Variants in SLC8A1 observed in about 807,000 individuals in gnomAD.
SLC8A1 encodes solute carrier family 8 member A1.
Under a neutral mutation model 68.3 loss-of-function variants are expected in SLC8A1, and 18 were observed. The observed-to-expected ratio is 0.26, with a 90% CI of 0.18 to 0.39. The LOEUF (loss-of-function observed/expected upper bound fraction) is 0.39, where lower values mean the gene tolerates loss of function less well. Among genes scored for constraint, SLC8A1 ranks in the 10% least tolerant of loss-of-function variants. The pLI is 1.00. For missense variants in SLC8A1, 985 were observed against 1,156.7 expected, an observed-to-expected ratio of 0.85 and a Z score of 2.15; for synonymous variants, 475 against 415.5, an observed-to-expected ratio of 1.14 and a Z score of -1.74.
intron 2 of SLC8A1, among the ~76,000 whole-genome samples, chr2:40,422,283 A>G (rs767951421): frequency 7.2e-5 from 11 of 152,182 alleles, no homozygotes; most frequent in Non-Finnish European, 1.5e-4. Context: ...TAAATCTCCA[A>G]TGGTCAGATT....
At chr2:40,348,379 G>T (rs1460845888) in intron 2 of SLC8A1, among the ~76,000 whole-genome samples, 1 of 152,154 alleles carries the variant, frequency 6.6e-6, no homozygotes, top group Admixed American at 6.6e-5. Flanking sequence ...ACTCCAAAAA[G>T]AGAAGATCAG....
intron 2 of SLC8A1, among the ~76,000 whole-genome samples, chr2:40,186,151 T>C (rs2050660110): frequency 6.6e-6 from 1 of 152,222 alleles, no homozygotes; most frequent in African/African-American, 2.4e-5. Flanking sequence ...AAGCAGCTTT[T>C]CTTGCATTGT....
chr2:40,472,954 CA>C (rs1447132440), intron 1 of SLC8A1, among the ~76,000 whole-genome samples: 2 of 151,216 alleles, frequency 1.3e-5, no homozygotes, highest in African/African-American at 2.4e-5. Flanking sequence ...AGTTACAATA[CA>C]GCATAATACA....
At chr2:40,297,584 A>T (rs2070650595) in intron 2 of SLC8A1, among the ~76,000 whole-genome samples, 1 of 152,220 alleles carries the variant, frequency 6.6e-6, no homozygotes, top group African/African-American at 2.4e-5. Flanking sequence ...TACTTTGTGT[A>T]AAGCAAACAT....
chr2:40,439,218 T>C (rs367984468), intron 1 of SLC8A1, among the ~76,000 whole-genome samples: 1 of 152,074 alleles, frequency 6.6e-6, no homozygotes, highest in South Asian at 2.1e-4. Context: ...TGCAGGTGTT[T>C]TGTCTTCTCT....
intron 2 of SLC8A1, among the ~76,000 whole-genome samples, chr2:40,363,899 T>TTTA (rs1350225160): frequency 2.0e-5 from 3 of 151,710 alleles, no homozygotes; most frequent in Non-Finnish European, 4.4e-5. Flanking sequence ...CCAAGGGAGG[T>TTTA]TTATTTATTT....
chr2:40,292,963 G>A (rs941210067), intron 2 of SLC8A1, among the ~76,000 whole-genome samples: 2 of 152,124 alleles, frequency 1.3e-5, no homozygotes, highest in Non-Finnish European at 2.9e-5. Flanking sequence ...TGGGAAAAGA[G>A]GACCTGTGTG....
rs1228035788 is a variant in SLC8A1, at chr2:40,330,699, C to T, written c.1808+97774G>A. ...CAAAGGTAAATGTGGAAATTCTCTTCATTTTACCAATTACCAGCTCATAAA... is the reference window on the plus strand; with the variant it reads ...CAAAGGTAAATGTGGAAATTCTCTTTATTTTACCAATTACCAGCTCATAAA... On this transcript the variant is annotated intron_variant, in intron 2 of 7. Coordinates refer to ENST00000406785, the Ensembl canonical transcript of SLC8A1. Among the ~76,000 whole-genome samples, 3 of 152,128 alleles carry T rather than the reference C, an allele frequency of 2.0e-5. No homozygotes were observed. The East Asian group carries it at 5.8e-4, about 29-fold the overall frequency.
At chr2:40,160,421 C>A (rs552880479) in intron 6 of SLC8A1, among the ~76,000 whole-genome samples, 3 of 152,180 alleles carry the variant, frequency 2.0e-5, no homozygotes, top group Non-Finnish European at 4.4e-5. Flanking sequence ...TTTTTCTTGA[C>A]CTTGACTTGG....
intron 2 of SLC8A1, among the ~76,000 whole-genome samples, chr2:40,320,827 T>C (rs1176072692): frequency 6.6e-6 from 1 of 152,194 alleles, no homozygotes; most frequent in Non-Finnish European, 1.5e-5. Flanking sequence ...AAATAAAATG[T>C]GGCCGACCTC....
In SLC8A1 at chr2:40,280,195, T is replaced by C. The variant is rs866411723; in HGVS notation, c.1809-102340A>G. Among the ~76,000 whole-genome samples the C allele has an allele frequency of 5.2e-4, 70 of 134,042 alleles. 2 individuals are homozygous for C. In the South Asian group the frequency reaches 0.012, roughly 23 times the overall value. The allele number at this position is 134,042 out of a possible 152,430, so 87.9% of individuals were successfully genotyped here. ...ACCTGACTAAAATATGACTCTAAAA[T>C]ATGAATGTCTGCCATTATAAAAGAA... On this transcript the variant is annotated intron_variant, in intron 2 of 7. Coordinates refer to ENST00000406785, the Ensembl canonical transcript of SLC8A1.
At chr2:40,334,373 A>C (rs1207420196) in intron 2 of SLC8A1, among the ~76,000 whole-genome samples, 2 of 152,238 alleles carry the variant, frequency 1.3e-5, no homozygotes, top group East Asian at 1.9e-4. Flanking sequence ...TTTCAGTTTT[A>C]TATAGACATG....
exon 8 of SLC8A1, chr2:40,105,142 T>C (rs952161542): frequency 1.1e-4 from 17 of 152,310 alleles, no homozygotes; most frequent in African/African-American, 4.1e-4. Context: ...TCTAGAGCCA[T>C]GTCAATATCC....
intron 2 of SLC8A1, among the ~76,000 whole-genome samples, chr2:40,305,278 G>A (rs2072350066): frequency 6.6e-6 from 1 of 152,218 alleles, no homozygotes. Context: ...ATAGCCTGGA[G>A]CAGTTTTCGA....
chr2:40,133,061 C>T (rs2148222424), intron 7 of SLC8A1, among the ~76,000 whole-genome samples: 1 of 152,222 alleles, frequency 6.6e-6, no homozygotes, highest in African/African-American at 2.4e-5. Flanking sequence ...GTTACTTAAT[C>T]TTCTTGAAAA....
intron 2 of SLC8A1, among the ~76,000 whole-genome samples, chr2:40,279,803 C>A (rs1032675361): frequency 6.6e-6 from 1 of 152,140 alleles, no homozygotes; most frequent in African/African-American, 2.4e-5. Context: ...TGAGCTCTCA[C>A]GTGCCCCCAA....
chr2:40,323,527 A>T (rs2149348225), intron 2 of SLC8A1, among the ~76,000 whole-genome samples: 1 of 152,236 alleles, frequency 6.6e-6, no homozygotes, highest in South Asian at 2.1e-4. Context: ...TTCAATCCCC[A>T]ATTTAAATTT....
At chr2:40,469,601 T>C (rs1452639262) in intron 1 of SLC8A1, among the ~76,000 whole-genome samples, 2 of 127,284 alleles carry the variant, frequency 1.6e-5, no homozygotes, top group East Asian at 8.1e-4. Context: ...TTATTTTTAT[T>C]TTTTTTGCAA....
rs774687443 is a variant in SLC8A1, at chr2:40,307,057, T to C, written c.1808+121416A>G. On this transcript the variant is annotated intron_variant, in intron 2 of 7. Coordinates refer to ENST00000406785, the Ensembl canonical transcript of SLC8A1. Reference sequence around the variant, plus strand: ...AGAAATATTTGCTCATCCATGTTCATAGCAGCACTGTCCACAATAGCCAAG... The same window carrying C: ...AGAAATATTTGCTCATCCATGTTCACAGCAGCACTGTCCACAATAGCCAAG... Among the ~76,000 whole-genome samples the C allele has an allele frequency of 2.0e-5, 3 of 152,040 alleles. No individual in the cohort carries two copies. In the East Asian group the frequency reaches 5.8e-4, roughly 29 times the overall value.
Sources: allele counts gnomAD v4.1 joint callset (sites outside exome capture counted in the v4.1 genomes callset), GRCh38; gene constraint gnomAD v4.1.1; transcripts MANE v1.5; gene names NCBI Gene and HGNC (gene_info 2026-07-23, HGNC 2026-07-21).